The following FSTL5 variants were observed in gnomAD, a reference collection of about 807,000 sequenced individuals.
FSTL5 encodes the protein follistatin like 5.
A neutral mutation model predicts 89.1 loss-of-function variants in FSTL5; 62 were observed. That is an observed-to-expected ratio of 0.70 (90% CI 0.57 to 0.86). FSTL5 has a LOEUF of 0.86. FSTL5 is among the 40% of genes least tolerant of loss of function. The pLI, the probability that FSTL5 is intolerant of heterozygous loss-of-function variation, is 0.00. For missense variants in FSTL5, 1,057 were observed against 1,001.6 expected, an observed-to-expected ratio of 1.06 and a Z score of -0.75; for synonymous variants, 383 against 346.2, an observed-to-expected ratio of 1.11 and a Z score of -1.18.
intron 15 of FSTL5, among the ~76,000 whole-genome samples, chr4:161,448,769 G>T (rs1733049430): frequency 6.6e-6 from 1 of 151,986 alleles, no homozygotes; most frequent in Non-Finnish European, 1.5e-5. Context: ...CCCCCATTTG[G>T]CTCCAAGTAC....
intron 6 of FSTL5, among the ~76,000 whole-genome samples, chr4:161,709,901 G>C (rs1298451299): frequency 6.6e-6 from 1 of 152,100 alleles, no homozygotes; most frequent in African/African-American, 2.4e-5. Flanking sequence ...ATATTTAAAT[G>C]GGAATTTTGG....
chr4:161,960,511 T>C (rs1005032644), intron 3 of FSTL5, among the ~76,000 whole-genome samples: 27 of 152,068 alleles, frequency 1.8e-4, no homozygotes, highest in Middle Eastern at 6.8e-3. Context: ...CCAATGAAAT[T>C]ATATGCATAA....
At chr4:161,452,701 A>G (rs1329344081) in intron 15 of FSTL5, among the ~76,000 whole-genome samples, 1 of 152,230 alleles carries the variant, frequency 6.6e-6, no homozygotes, top group African/African-American at 2.4e-5. Flanking sequence ...ATTCATGTTC[A>G]TTAAAATGGG....
Position 161,460,645 on chromosome 4 carries a change from G to A in FSTL5, c.1609-1326C>T, listed in dbSNP as rs573890812. Among the ~76,000 whole-genome samples the A allele has an allele frequency of 1.8e-3, 281 of 152,176 alleles. 1 individual carries two copies. Among genetic ancestry groups the A allele is most frequent in the Non-Finnish European group, 3.1e-3 (210 of 67,984 alleles). On this transcript the variant is annotated intron_variant, in intron 13 of 15. Coordinates refer to ENST00000306100, the MANE Select transcript of FSTL5 (RefSeq NM_020116.5). ...AAGTCTCACTAAGGCATCTCTTTTCGAAAATAATGCCCTTCATTTTGCCTA... is the reference window on the plus strand; with the variant it reads ...AAGTCTCACTAAGGCATCTCTTTTCAAAAATAATGCCCTTCATTTTGCCTA...
intron 15 of FSTL5, among the ~76,000 whole-genome samples, chr4:161,398,403 AACT>A (rs969041597): frequency 6.6e-6 from 1 of 152,036 alleles, no homozygotes; most frequent in Non-Finnish European, 1.5e-5. Flanking sequence ...CAGATATAAA[AACT>A]ACTGCATATT....
rs34910143 is a variant in FSTL5 at position 161,470,385 on chromosome 4, T to TA, written c.1608+10634dup. On this transcript the variant is annotated intron_variant, in intron 13 of 15. Coordinates refer to ENST00000306100, the MANE Select transcript of FSTL5 (RefSeq NM_020116.5). ...CCACTGAATGGTCTTGGCACCCTTA[T>TA]AAAAAAAAATTGACTATATATGTTT... 3.5e-3 allele frequency among the ~76,000 whole-genome samples: 535 copies of TA among 151,594 alleles called. 4 individuals are homozygous for TA. The highest frequency in any genetic ancestry group is 0.012 in the African/African-American group (477 of 41,358).
chr4:162,135,254 T>A (rs542790593), intron 1 of FSTL5, among the ~76,000 whole-genome samples: 1 of 152,100 alleles, frequency 6.6e-6, no homozygotes, highest in Non-Finnish European at 1.5e-5. Flanking sequence ...ATGTTATACC[T>A]CAATTTTATT....
At chr4:161,468,071 T>C (rs1017828767) in intron 13 of FSTL5, among the ~76,000 whole-genome samples, 22 of 152,226 alleles carry the variant, frequency 1.4e-4, no homozygotes, top group African/African-American at 4.6e-4. Flanking sequence ...ATTCAGTTTT[T>C]ATTTCACTCT....
intron 1 of FSTL5, among the ~76,000 whole-genome samples, chr4:162,122,267 C>T (rs1339303237): frequency 2.6e-5 from 4 of 152,098 alleles, no homozygotes; most frequent in African/African-American, 4.8e-5. Context: ...AGACATCATT[C>T]TACTTGTGGC....
At chr4:161,561,464 C>T (rs977364364) in intron 8 of FSTL5, among the ~76,000 whole-genome samples, 1 of 151,920 alleles carries the variant, frequency 6.6e-6, no homozygotes, top group Non-Finnish European at 1.5e-5. Flanking sequence ...GAGATGAATG[C>T]CTGGTGGCTG....
rs1732052127 is a variant in FSTL5, at chr4:161,865,378, A to G, written c.409+55026T>C. Among the ~76,000 whole-genome samples the G allele has an allele frequency of 2.0e-5, 3 of 152,216 alleles. No individual in the cohort carries two copies. In the South Asian group the frequency reaches 6.2e-4, roughly 32 times the overall value. ...ATTATTCAATTTATAAGTCAGTTGA[A>G]GAATAATTTGAAGCAAATCATAGGT... On this transcript the variant is annotated intron_variant, in intron 4 of 15. Transcript: ENST00000306100.
chr4:161,870,369 CACAA>C (rs1732224361), intron 4 of FSTL5, among the ~76,000 whole-genome samples: 1 of 151,336 alleles, frequency 6.6e-6, no homozygotes, highest in South Asian at 2.1e-4. Flanking sequence ...TACACACACA[CACAA>C]AGAGAGAGCG....
chr4:161,602,764 G>C (rs1428799617), intron 7 of FSTL5, among the ~76,000 whole-genome samples: 4 of 152,106 alleles, frequency 2.6e-5, no homozygotes, highest in Non-Finnish European at 5.9e-5. Flanking sequence ...GATGAAGCAG[G>C]GGGTGGGGAG....
chr4:161,591,048 G>A (rs1452995954), intron 7 of FSTL5, among the ~76,000 whole-genome samples: 1 of 152,158 alleles, frequency 6.6e-6, no homozygotes, highest in African/African-American at 2.4e-5. Context: ...TGGATGAATG[G>A]ATAAATAAAA....
chr4:161,994,823 C>T (rs926493141), intron 3 of FSTL5, among the ~76,000 whole-genome samples: 1 of 152,244 alleles, frequency 6.6e-6, no homozygotes, highest in Non-Finnish European at 1.5e-5. Flanking sequence ...TTCTCCCATT[C>T]TGTAGGTTGT....
intron 4 of FSTL5, among the ~76,000 whole-genome samples, chr4:161,801,584 C>G (rs573553484): frequency 9.9e-5 from 15 of 151,542 alleles, no homozygotes; most frequent in African/African-American, 3.6e-4. Flanking sequence ...TCTCTTATCT[C>G]TTATGTAGCC....
At chr4:161,519,920 A>AAT (rs897680057) in intron 10 of FSTL5, among the ~76,000 whole-genome samples, 2 of 152,164 alleles carry the variant, frequency 1.3e-5, no homozygotes, top group Non-Finnish European at 2.9e-5. Context: ...AAATGATTAT[A>AAT]ATATATATTA....
chr4:161,887,980 C>T (rs927785237), intron 4 of FSTL5, among the ~76,000 whole-genome samples: 5 of 152,092 alleles, frequency 3.3e-5, no homozygotes, highest in African/African-American at 1.2e-4. Flanking sequence ...ATTGATTTCA[C>T]CAAAGTCCAA....
chr4:161,421,645 G>A (rs948039132), intron 15 of FSTL5, among the ~76,000 whole-genome samples: 1 of 152,192 alleles, frequency 6.6e-6, no homozygotes, highest in Non-Finnish European at 1.5e-5. Context: ...CTGTGAGAGT[G>A]TTTCTGAAAG....
Sources: gnomAD v4.1 joint callset for allele counts (sites outside exome capture counted in the v4.1 genomes callset) on GRCh38, gnomAD v4.1.1 for gene constraint, MANE v1.5 for transcripts, NCBI Gene and HGNC (gene_info 2026-07-23, HGNC 2026-07-21) for gene names.